The following TRAF7 variants were observed in gnomAD, a reference collection of about 807,000 sequenced individuals.
The protein encoded by TRAF7 is TNF receptor associated factor 7, also known as E3 ubiquitin-protein ligase TRAF7.
Under a neutral mutation model 89.3 loss-of-function variants are expected in TRAF7, and 45 were observed. The observed-to-expected ratio is 0.50, with a 90% confidence interval of 0.40 to 0.65. The LOEUF is 0.65. TRAF7 is among the 30% of genes least tolerant of loss of function. TRAF7 has a pLI of 0.00. For missense variants in TRAF7, 677 were observed against 918.1 expected (o/e 0.74, Z 3.39); for synonymous variants, 406 against 369.2 (o/e 1.10, Z -1.14).
At chr16:2,160,549 ATGGGCGGGCGGTGTGGG>A (rs1485351773) in intron 1 of TRAF7, among the ~76,000 whole-genome samples, 2,035 of 10,772 alleles carry the variant, frequency 0.19, 80 homozygotes, top group African/African-American at 0.38. Context: ...GGCGGTGTGG[ATGGGCGGGCGGTGTGGG>A]TGGGCGGGCG....
chr16:2,166,570 T>C (rs2093087361), intron 3 of TRAF7, among the ~76,000 whole-genome samples: 1 of 152,150 alleles, frequency 6.6e-6, no homozygotes, highest in South Asian at 2.1e-4. Flanking sequence ...CTGGCTAATT[T>C]TTTTTATGTT....
Position 2,173,779 on chromosome 16 carries a change from G to A in TRAF7, c.1087-9G>A. ...CCACCTGCCCTCTGCCCTGCCCTTG[G>A]CCCTGCAGGACGAGCTGTCCCACAT... On this transcript the variant is annotated splice_polypyrimidine_tract_variant and intron_variant, in intron 11 of 20. Transcript: ENST00000326181. 1 of 1,610,368 alleles carries A rather than the reference G, an allele frequency of 6.2e-7. No individual in the cohort carries two copies. Among genetic ancestry groups the A allele is most frequent in the Non-Finnish European group, 8.5e-7 (1 of 1,179,750 alleles).
chr16:2,173,870 C>T (rs778025760), intron 12 of TRAF7, 34 bp downstream of exon 12: 2 of 1,606,158 alleles, frequency 1.2e-6, no homozygotes, highest in Non-Finnish European at 8.5e-7. Context: ...CCCGCCCACC[C>T]TCCCCCCCGG....
At chr16:2,160,540 G>T (rs1455304594) in intron 1 of TRAF7, among the ~76,000 whole-genome samples, 1 of 134,698 alleles carries the variant, frequency 7.4e-6, no homozygotes, top group African/African-American at 3.0e-5. Flanking sequence ...GCTCGGGCAG[G>T]CGGTGTGGAT....
chr16:2,163,965 GC>G lies in TRAF7; in HGVS notation c.48del (p.Ser17AlafsTer111). On this transcript the variant is annotated frameshift_variant, in exon 2 of 21. Coordinates refer to ENST00000326181, the MANE Select transcript of TRAF7 (RefSeq NM_032271.3). LOFTEE classifies it high-confidence loss of function. This position sits in a 1 kb window ranked among gnomAD's most constrained non-coding sequence, Gnocchi z 4.3. ...SARYNRFSGG[P>X]SNLPTPDVTT... ...CCCGCTACAACCGCTTCTCCGGGGG[GC>G]CCAGCAATCTTCCCACCCCAGACGT... 6.2e-7 allele frequency: 1 copy of G among 1,612,684 alleles called. No homozygotes were observed. The highest frequency in any genetic ancestry group is 8.5e-7 in the Non-Finnish European group (1 of 1,179,714).
Position 2,172,601 on chromosome 16 carries a change from T to C in TRAF7, c.794+2T>C. On this transcript the variant is annotated splice_donor_variant, in intron 9 of 20. Coordinates refer to ENST00000326181, the MANE Select transcript of TRAF7 (RefSeq NM_032271.3). LOFTEE classifies it high-confidence loss of function. ...CAAATGCCCCCACTCCAAGTACGGG[T>C]GAGTGGGGGGCGGGCGGGGGTGGGC... is the stretch of plus-strand genomic sequence containing the variant. 6.8e-7 allele frequency: 1 copy of C among 1,470,956 alleles called. No individual in the cohort carries two copies. The highest frequency in any genetic ancestry group is 9.1e-7 in the Non-Finnish European group (1 of 1,097,642). The allele number at this position is 1,470,956 out of a possible 1,614,324, so 91.1% of individuals were successfully genotyped here.
chr16:2,176,028 G>A (rs1422139724), intron 18 of TRAF7, 21 bp from the exon 19 acceptor site: 1 of 1,608,038 alleles, frequency 6.2e-7, no homozygotes, highest in East Asian at 2.2e-5. Flanking sequence ...TCTTTGACCT[G>A]CCTGTGCCCA....
Position 2,176,251 on chromosome 16 carries a change from C to G in TRAF7, c.1879-14C>G, listed in dbSNP as rs912197889. The G allele has an allele frequency of 6.2e-7, 1 of 1,600,742 alleles. No homozygotes were observed. The highest frequency in any genetic ancestry group is 1.3e-5 in the African/African-American group (1 of 75,048). ...CTGAGCTCCGGCGGGCCCTCACGTC[C>G]CATGTGCCCCCAGGTCTGGAGTATG... On this transcript the variant is annotated splice_polypyrimidine_tract_variant and intron_variant, in intron 19 of 20. Transcript: ENST00000326181.
At position 2,178,118 on chromosome 16, in the gene TRAF7, C is replaced by T. The variant is rs1177894611; in HGVS notation, c.*1544C>T. On this transcript the variant is annotated 3_prime_UTR_variant, in exon 21 of 21. Transcript: ENST00000326181. ...AGCTCATTCCCAATAAATTAATACT[C>T]TTGATAGCTTATATTCTGGGGGTGC... 1 of 506,992 alleles carries T rather than the reference C, an allele frequency of 2.0e-6. No homozygotes were observed. The highest frequency in any genetic ancestry group is 3.8e-6 in the Non-Finnish European group (1 of 261,222). The allele number at this position is 506,992 out of a possible 1,614,324, so 31.4% of individuals were successfully genotyped here.
At chr16:2,170,528 C>T (rs981942249) in intron 4 of TRAF7, 86 bp from the exon 5 acceptor site, 21 of 1,001,952 alleles carry the variant, frequency 2.1e-5, no homozygotes, top group East Asian at 5.2e-5. Context: ...CTGCTGCCCT[C>T]GCGCTTCCGC....
chr16:2,173,576 G>A (rs368420897), intron 11 of TRAF7, 22 bp downstream of exon 11: 8 of 1,610,410 alleles, frequency 5.0e-6, no homozygotes, highest in South Asian at 1.1e-5. Context: ...GGGCTGGAGG[G>A]GCTGGGTTGT....
chr16:2,173,593 C>T (rs567872926), intron 11 of TRAF7, 39 bp downstream of exon 11: 19 of 1,604,956 alleles, frequency 1.2e-5, no homozygotes, highest in African/African-American at 9.4e-5. Context: ...TTGTGAGACC[C>T]GGGGAGGCCG....
chr16:2,163,551 C>A lies in TRAF7; in HGVS notation c.-38-332C>A, dbSNP rs1004428386. The A allele has an allele frequency of 9.8e-6, 3 of 307,344 alleles. No individual in the cohort carries two copies. The highest frequency in any genetic ancestry group is 1.9e-5 in the Non-Finnish European group (3 of 159,144). 19.0% of individuals were successfully genotyped at this position (307,344 alleles called of 1,614,324 possible). A position where few individuals can be genotyped will look rare whatever the true frequency, so the allele number is the denominator to read the frequency against. On this transcript the variant is annotated intron_variant, in intron 1 of 20. Coordinates refer to ENST00000326181, the MANE Select transcript of TRAF7 (RefSeq NM_032271.3). This position sits in a 1 kb window ranked among gnomAD's most constrained non-coding sequence, Gnocchi z 4.3. The stretch of plus-strand genomic sequence containing the variant: ...GGACATTCAGCCTGGAGGTGACTGG[C>A]TGTGACTCAGGACCCAGAGGAGTAG...
rs35199162 is a variant in TRAF7 at position 2,177,367 on chromosome 16, C to T, written c.*793C>T. On this transcript the variant is annotated 3_prime_UTR_variant, in exon 21 of 21. Transcript: ENST00000326181. ...GCCCTGCACGCCGGGACGCCACCTC[C>T]GCCAGCCGCCTCCACCCGCCCCACA... 11,999 of 233,492 alleles carry T rather than the reference C, an allele frequency of 0.051. 486 individuals carry two copies. The highest frequency in any genetic ancestry group is 0.065 in the Non-Finnish European group (7,621 of 118,112). The allele number at this position is 233,492 out of a possible 1,614,324, so 14.5% of individuals were successfully genotyped here.
chr16:2,164,147 T>TGTGTGTGTGTGTGTGTGC, intron 2 of TRAF7, 146 bp downstream of exon 2: 2 of 557,846 alleles, frequency 3.6e-6, no homozygotes, highest in South Asian at 4.3e-5. Context: ...GTGGTGTGTG[T>TGTGTGTGTGTGTGTGTGC]GTGTGTGTGT....
rs915810434 is a variant in TRAF7 at position 2,163,130 on chromosome 16, C to T, written c.-38-753C>T. On this transcript the variant is annotated intron_variant, in intron 1 of 20. Transcript: ENST00000326181. The surrounding 1 kb of genome is among the most constrained non-coding windows in gnomAD (Gnocchi z 4.3). ...ACTCCCAGCACCCACGGAGGGGCCA[C>T]GTCTCCCCCAGGCCCACCAGCCCCT... Among the ~76,000 whole-genome samples, 2 of 152,168 alleles carry T rather than the reference C, an allele frequency of 1.3e-5. No individual in the cohort carries two copies. The highest frequency in any genetic ancestry group is 2.9e-5 in the Non-Finnish European group (2 of 68,012).
At chr16:2,170,885 G>A (rs1226922684) in intron 5 of TRAF7, among the ~76,000 whole-genome samples, 155 bp downstream of exon 5, 1 of 152,202 alleles carries the variant, frequency 6.6e-6, no homozygotes, top group East Asian at 1.9e-4. Context: ...CCGTGGTGGG[G>A]ACTCGAGGGA....
intron 2 of TRAF7, 168 bp from the exon 3 acceptor site, chr16:2,165,711 C>T: frequency 4.1e-6 from 3 of 728,796 alleles, no homozygotes; most frequent in Non-Finnish European, 4.5e-6. Context: ...GGCCTGGTCG[C>T]ATGATTAAGC....
chr16:2,164,341 G>A (rs1228078961), intron 2 of TRAF7, among the ~76,000 whole-genome samples: 9 of 148,284 alleles, frequency 6.1e-5, no homozygotes, highest in Non-Finnish European at 1.2e-4. Flanking sequence ...TTAGTGCTGC[G>A]TGGCGCGGCC....
Sources: gnomAD v4.1 joint callset for allele counts (sites outside exome capture counted in the v4.1 genomes callset) on GRCh38, gnomAD v4.1.1 for gene constraint, Gnocchi (gnomAD v3.1) non-coding constraint, MANE v1.5 for transcripts, NCBI Gene and HGNC (gene_info 2026-07-23, HGNC 2026-07-21) for gene names.